Variants in XG observed in about 807,000 individuals in gnomAD.
XG encodes Xg glycoprotein (Xg blood group).
A neutral mutation model predicts 25.7 loss-of-function variants in XG; 24 were observed. That is an observed-to-expected ratio of 0.93 (90% CI 0.68 to 1.31). The LOEUF (loss-of-function observed/expected upper bound fraction) is 1.31. XG is among the 40% of genes most tolerant of loss of function. The pLI is 0.00. For synonymous variants in XG, 77 were observed against 69.2 expected (o/e 1.11, Z -0.56); for missense variants, 181 against 187.6 (o/e 0.96, Z 0.21).
intron 7 of XG, among the ~76,000 whole-genome samples, chrX:2,805,437 C>G (rs770256796): frequency 9.7e-6 from 1 of 103,470 alleles, no homozygotes; most frequent in East Asian, 3.1e-4. Context: ...CTCCTTGGCT[C>G]GTCGACATCA....
intron 5 of XG, among the ~76,000 whole-genome samples, chrX:2,794,068 G>A (rs1260697842): frequency 1.8e-5 from 2 of 111,021 alleles, no homozygotes; most frequent in South Asian, 3.9e-4. Context: ...GGTGAGAGGT[G>A]ATGTTGGCTC....
At chrX:2,769,970 A>G (rs2050777244) in intron 1 of XG, among the ~76,000 whole-genome samples, 1 of 126,564 alleles carries the variant, frequency 7.9e-6, no homozygotes, top group Non-Finnish European at 1.6e-5. Context: ...GTTGTGCTTC[A>G]CCTTCTTCTA....
At chrX:2,755,185 G>C (rs2050408566) in intron 1 of XG, among the ~76,000 whole-genome samples, 1 of 152,168 alleles carries the variant, frequency 6.6e-6, no homozygotes, top group Non-Finnish European at 1.5e-5. Flanking sequence ...TTCAGGGCTA[G>C]TCTGTAAACT....
chrX:2,752,252 G>A lies in XG; in HGVS notation c.-23G>A, dbSNP rs2050345590. On this transcript the variant is annotated 5_prime_UTR_variant, in exon 1 of 11. Transcript: ENST00000644266. ...CCGCTTGGCTGGGGAGTCCACTGAG[G>A]TTCTTGCATCCTGAAGCAAACCATG... 1 of 1,613,746 alleles carries A rather than the reference G, an allele frequency of 6.2e-7. No individual in the cohort carries two copies. Among genetic ancestry groups the A allele is most frequent in the East Asian group, 2.2e-5 (1 of 44,880 alleles).
chrX:2,771,588 G>T (rs762770897), intron 2 of XG, among the ~76,000 whole-genome samples: 13 of 152,258 alleles, frequency 8.5e-5, no homozygotes, highest in Non-Finnish European at 1.9e-4. Flanking sequence ...GGAAAGATTT[G>T]GTTTCTGATG....
intron 1 of XG, among the ~76,000 whole-genome samples, chrX:2,763,470 C>T (rs1175515856): frequency 1.6e-5 from 2 of 124,968 alleles, no homozygotes; most frequent in East Asian, 5.6e-4. Context: ...TTCCCTGGGG[C>T]ATGTGGCGGT....
chrX:2,800,007 T>C (rs1285521850), intron 7 of XG, among the ~76,000 whole-genome samples: 2 of 111,557 alleles, frequency 1.8e-5, no homozygotes, highest in Non-Finnish European at 3.8e-5. Context: ...ATGGGCCACA[T>C]TGTATATGGG....
chrX:2,752,246 A>G lies in XG; in HGVS notation c.-29A>G. 3.1e-6 allele frequency: 5 copies of G among 1,613,692 alleles called. No homozygotes were observed. The highest frequency in any genetic ancestry group is 2.2e-5 in the South Asian group (2 of 91,042). On this transcript the variant is annotated 5_prime_UTR_variant, in exon 1 of 11. Transcript: ENST00000644266. ...CACAATCCGCTTGGCTGGGGAGTCC[A>G]CTGAGGTTCTTGCATCCTGAAGCAA...
chrX:2,808,328 C>T (rs778036933), intron 9 of XG, 108 bp downstream of exon 9: 13 of 988,148 alleles, frequency 1.3e-5, no homozygotes, highest in East Asian at 1.2e-4. Context: ...ATGACTTTCA[C>T]GGAGCACTCA....
chrX:2,783,371 G>C (rs2086751449), intron 4 of XG, among the ~76,000 whole-genome samples: 2 of 105,666 alleles, frequency 1.9e-5, no homozygotes, highest in South Asian at 9.1e-4. Flanking sequence ...TGGGCATGGA[G>C]AGAGAAAGAG....
chrX:2,784,349 G>A (rs371848019), intron 4 of XG, among the ~76,000 whole-genome samples: 1 of 110,692 alleles, frequency 9.0e-6, no homozygotes, highest in African/African-American at 3.3e-5. Flanking sequence ...TTGGTAGACC[G>A]AGGCTGGTGG....
At chrX:2,776,654 G>C (rs2050999161) in intron 3 of XG, among the ~76,000 whole-genome samples, 1 of 152,062 alleles carries the variant, frequency 6.6e-6, no homozygotes, top group Admixed American at 6.6e-5. Flanking sequence ...ACCAGGTTGG[G>C]CATTACAGGT....
At chrX:2,782,883 G>C (rs773640468) in intron 4 of XG, among the ~76,000 whole-genome samples, 2 of 111,776 alleles carry the variant, frequency 1.8e-5, no homozygotes, top group Admixed American at 9.5e-5. Flanking sequence ...CAAGAAGGGG[G>C]TCTTTTTGGG....
chrX:2,766,692 G>C (rs760910177), intron 1 of XG, among the ~76,000 whole-genome samples: 10 of 150,100 alleles, frequency 6.7e-5, no homozygotes, highest in Non-Finnish European at 7.4e-5. Context: ...AGCCTCCCGA[G>C]TAGCTGGGAC....
At chrX:2,759,366 G>C (rs1347880497) in intron 1 of XG, among the ~76,000 whole-genome samples, 1 of 152,006 alleles carries the variant, frequency 6.6e-6, no homozygotes, top group Non-Finnish European at 1.5e-5. Flanking sequence ...TCATGCTCCT[G>C]TACGCTGTAG....
chrX:2,755,401 G>A (rs2050412449), intron 1 of XG, among the ~76,000 whole-genome samples: 1 of 152,064 alleles, frequency 6.6e-6, no homozygotes, highest in Admixed American at 6.6e-5. Context: ...CTGGTGGGAG[G>A]GTAACACTGA....
intron 9 of XG, among the ~76,000 whole-genome samples, chrX:2,809,930 A>C (rs2087038144): frequency 8.9e-6 from 1 of 112,368 alleles, no homozygotes; most frequent in Non-Finnish European, 1.9e-5. Context: ...CACTTGTGTG[A>C]CATTCTGTTG....
chrX:2,764,746 G>A (rs1032143572), intron 1 of XG, among the ~76,000 whole-genome samples: 20 of 151,918 alleles, frequency 1.3e-4, no homozygotes, highest in African/African-American at 4.8e-4. Context: ...CCGATGTAAA[G>A]AAATAAAAAA....
intron 2 of XG, among the ~76,000 whole-genome samples, chrX:2,772,162 A>G (rs1468638514): frequency 6.6e-6 from 1 of 152,254 alleles, no homozygotes; most frequent in Non-Finnish European, 1.5e-5. Flanking sequence ...AGAACAAGAC[A>G]TGTTATTGAT....
Sources: gnomAD v4.1 joint callset for allele counts (sites outside exome capture counted in the v4.1 genomes callset) on GRCh38, gnomAD v4.1.1 for gene constraint, MANE v1.5 for transcripts, NCBI Gene and HGNC (gene_info 2026-07-23, HGNC 2026-07-21) for gene names.